Variants in UTP20 observed in about 807,000 individuals in gnomAD.
UTP20 encodes small subunit processome component 20 homolog.
In UTP20, 164 loss-of-function variants were observed where a neutral mutation model predicts 329.5. The observed-to-expected ratio is 0.50, with a 90% CI of 0.44 to 0.57. The LOEUF is 0.57. Ranked by LOEUF, UTP20 falls within the 20% of genes least tolerant of loss-of-function variation. The pLI, the probability that UTP20 is intolerant of heterozygous loss-of-function variation, is 0.00. For synonymous variants in UTP20, 1,151 were observed against 1,159.3 expected (o/e 0.99, Z 0.14); for missense variants, 3,055 against 3,284.2 (o/e 0.93, Z 1.71).
chr12:101,358,965 T>A (rs532822264), intron 43 of UTP20, among the ~76,000 whole-genome samples: 1 of 152,310 alleles, frequency 6.6e-6, no homozygotes, highest in South Asian at 2.1e-4. Flanking sequence ...TTGATCATGA[T>A]GTGTCTAAGT....
chr12:101,330,707 G>A (rs1210976108), intron 27 of UTP20, among the ~76,000 whole-genome samples: 3 of 152,178 alleles, frequency 2.0e-5, no homozygotes, highest in African/African-American at 7.2e-5. Flanking sequence ...AATTGTGAAA[G>A]GTTTGCCTGT....
chr12:101,288,825 G>A (rs1872040197), intron 5 of UTP20, 135 bp from the exon 6 acceptor site: 6 of 747,214 alleles, frequency 8.0e-6, no homozygotes, highest in East Asian at 2.8e-5. Context: ...AAATGAATGA[G>A]ATTTTAAATT....
chr12:101,345,541 T>C lies in UTP20; in HGVS notation c.4606-13T>C, dbSNP rs1459450481. 1.4e-6 allele frequency: 2 copies of C among 1,462,132 alleles called. No individual in the cohort carries two copies. The highest frequency in any genetic ancestry group is 2.4e-5 in the East Asian group (1 of 41,332). 90.6% of individuals were successfully genotyped at this position (1,462,132 alleles called of 1,614,324 possible). A position where few individuals can be genotyped will look rare whatever the true frequency, so the allele number is the denominator to read the frequency against. On this transcript the variant is annotated splice_polypyrimidine_tract_variant and intron_variant, in intron 36 of 61. Transcript: ENST00000261637. Reference sequence around the variant, plus strand: ...TTAAAATAAAATGTTTTTTCTCCACTTCATATTTACAGAGTATTCAGCAGG... The same window carrying C: ...TTAAAATAAAATGTTTTTTCTCCACCTCATATTTACAGAGTATTCAGCAGG...
rs749691166 is a variant in UTP20 at position 101,308,353 on chromosome 12, G to A, written c.2154+10G>A. On this transcript the variant is annotated intron_variant, in intron 18 of 61. Coordinates refer to ENST00000261637, the MANE Select transcript of UTP20 (RefSeq NM_014503.3). Reference sequence around the variant, plus strand: ...TGGGCCGTTACAGGAGGTAAAAATAGTGTTCTTTTATTTTTCCTTTTTAAT... The same window carrying A: ...TGGGCCGTTACAGGAGGTAAAAATAATGTTCTTTTATTTTTCCTTTTTAAT... The A allele has an allele frequency of 1.4e-6, 2 of 1,438,194 alleles. No individual in the cohort carries two copies. Among genetic ancestry groups the A allele is most frequent in the Non-Finnish European group, 9.2e-7 (1 of 1,092,454 alleles). The allele number at this position is 1,438,194 out of a possible 1,614,324, so 89.1% of individuals were successfully genotyped here. A position where few individuals can be genotyped will look rare whatever the true frequency, so the allele number is the denominator to read the frequency against.
chr12:101,289,636 A>T (rs994754709), intron 6 of UTP20, among the ~76,000 whole-genome samples: 1 of 152,150 alleles, frequency 6.6e-6, no homozygotes, highest in African/African-American at 2.4e-5. Flanking sequence ...CAGTGTGTAT[A>T]TATCAAAAAT....
At chr12:101,385,078 G>A (rs1870779944) in intron 60 of UTP20, among the ~76,000 whole-genome samples, 1 of 145,656 alleles carries the variant, frequency 6.9e-6, no homozygotes, top group African/African-American at 2.5e-5. Flanking sequence ...CACAAAGGAG[G>A]CTTTTGACAC....
In UTP20 at chr12:101,286,340, C is replaced by T. The variant is rs1300922546; in HGVS notation, c.346C>T (p.Arg116Ter). The T allele has an allele frequency of 1.2e-6, 2 of 1,608,860 alleles. No homozygotes were observed. Among genetic ancestry groups the T allele is most frequent in the East Asian group, 2.2e-5 (1 of 44,790 alleles). Reference protein sequence around the residue: ...PLLDLVVQLARDLQMDFYPHF... With the variant: ...PLLDLVVQLA Reference sequence around the variant, plus strand: ...ATCCAGTTTGGTTGTACAGTTGGCACGAGATCTGCAGATGGATTTCTACCC... The same window carrying T: ...ATCCAGTTTGGTTGTACAGTTGGCATGAGATCTGCAGATGGATTTCTACCC... Residue 116 changes from arginine (R) to a stop codon, truncating the protein, a stop_gained, in exon 5 of 62, where the codon CGA becomes TGA. Transcript: ENST00000261637. LOFTEE classifies it high-confidence loss of function.
intron 26 of UTP20, among the ~76,000 whole-genome samples, chr12:101,328,792 C>T (rs1868651100): frequency 6.6e-6 from 1 of 151,558 alleles, no homozygotes; most frequent in African/African-American, 2.4e-5. Flanking sequence ...CCGCGTGGAC[C>T]CGGGAGGCAG....
chr12:101,376,448 A>G (rs138969516), intron 56 of UTP20, among the ~76,000 whole-genome samples: 2 of 152,240 alleles, frequency 1.3e-5, no homozygotes, highest in African/African-American at 4.8e-5. Flanking sequence ...AGCCTATTAC[A>G]CCCCTAGACT....
rs1173943049 is a variant in UTP20 at position 101,314,995 on chromosome 12, A to G, written c.2553-2483A>G. ...TAAGTCCCAGCTATTTGGGAGGCTG[A>G]GGCAGGAGAATCACATGAACCCGGA... On this transcript the variant is annotated intron_variant, in intron 21 of 61. Transcript: ENST00000261637. Among the ~76,000 whole-genome samples the G allele has an allele frequency of 2.0e-5, 3 of 152,194 alleles. No individual in the cohort carries two copies. The East Asian group carries it at 5.8e-4, about 30-fold the overall frequency.
chr12:101,371,068 C>T lies in UTP20; in HGVS notation c.6698C>T (p.Ser2233Leu). ...TAFGLLKAIL[S>L]RKLLVPEIDE... ...CCTTTTGTATCTTAGGCAATTTTAT[C>T]AAGAAAGCTGTTGGTCCCAGAAATC... Residue 2233 changes from serine to leucine, a missense_variant, in exon 51 of 62, where the codon TCA (serine) becomes TTA (leucine). Physicochemically the swap from Ser to Leu is moderately radical, Grantham distance 145. This residue lies in a region of UTP20 where 273 missense variants were observed against 363.1 expected (regional missense o/e 0.75). Transcript: ENST00000261637. 6.2e-7 allele frequency: 1 copy of T among 1,613,780 alleles called. No individual in the cohort carries two copies.
intron 58 of UTP20, 58 bp downstream of exon 58, chr12:101,381,269 C>T (rs1302163545): frequency 1.7e-5 from 24 of 1,450,042 alleles, no homozygotes; most frequent in Middle Eastern, 1.7e-4. Context: ...TGGTGGCTCG[C>T]GCCTGTAATC....
At position 101,362,038 on chromosome 12, in the gene UTP20, C is replaced by T. The variant is rs756221544; in HGVS notation, c.5768C>T (p.Ser1923Phe). 3.1e-6 allele frequency: 5 copies of T among 1,613,074 alleles called. No individual in the cohort carries two copies. The highest frequency in any genetic ancestry group is 1.1e-5 in the South Asian group (1 of 91,042). Residue 1923 changes from serine to phenylalanine, a missense_variant, in exon 44 of 62, where the codon TCT becomes TTT. Around this residue, in one of 3 missense-constraint regions of UTP20, gnomAD observed 2,445 missense variants for 2,575.5 expected, o/e 0.95. Transcript: ENST00000261637. The part of the protein sequence containing the change: ...TNKLQVGDLD[S>F]CLDIMIEIFN... ...AAGCTGCAGGTCGGAGATTTGGACT[C>T]TTGTTTAGATATAATGATTGAGGTA...
intron 5 of UTP20, among the ~76,000 whole-genome samples, 194 bp from the exon 6 acceptor site, chr12:101,288,766 T>G (rs1462825983): frequency 6.6e-6 from 1 of 152,226 alleles, no homozygotes; most frequent in Non-Finnish European, 1.5e-5. Context: ...GTCCTAGGAC[T>G]CTTCATGTCT....
At chr12:101,305,817 AT>A in intron 15 of UTP20, 97 bp from the exon 16 acceptor site, 8 of 1,336,494 alleles carry the variant, frequency 6.0e-6, no homozygotes, top group Non-Finnish European at 5.9e-6. Flanking sequence ...TACCTTTTAC[AT>A]TTTCTTCATC....
chr12:101,382,410 AAAAACAAAAC>A (rs910429134), intron 58 of UTP20, among the ~76,000 whole-genome samples: 11 of 152,174 alleles, frequency 7.2e-5, no homozygotes, highest in South Asian at 2.1e-4. Flanking sequence ...AAAATACCCA[AAAAACAAAAC>A]AAAACAAAAC....
Position 101,338,134 on chromosome 12 carries a change from A to G in UTP20, c.3725A>G (p.Lys1242Arg). 4.3e-6 allele frequency: 7 copies of G among 1,614,188 alleles called. No homozygotes were observed. Among genetic ancestry groups the G allele is most frequent in the Non-Finnish European group, 5.9e-6 (7 of 1,180,026 alleles). The change falls in exon 30 of 62, where the codon AAG (lysine) becomes AGG (arginine). Residue 1242 changes from lysine (K) to arginine (R), a missense_variant. This residue lies in a region of UTP20 where 2,445 missense variants were observed against 2,575.5 expected (regional missense o/e 0.95). Coordinates refer to ENST00000261637, the MANE Select transcript of UTP20 (RefSeq NM_014503.3). ...LTNVFAILSA[K>R]NLSDATASIV... ...AATGTTTTTGCAATTCTCTCAGCGA[A>G]GAATCTTTCTGATGCCACAGCCAGT...
At chr12:101,318,560 G>T (rs1873048572) in intron 22 of UTP20, among the ~76,000 whole-genome samples, 1 of 152,114 alleles carries the variant, frequency 6.6e-6, no homozygotes, top group Non-Finnish European at 1.5e-5. Context: ...TCCAGGCGTG[G>T]TGGCTCACAC....
chr12:101,283,818 G>T (rs1871873170), intron 2 of UTP20, among the ~76,000 whole-genome samples: 1 of 152,076 alleles, frequency 6.6e-6, no homozygotes, highest in South Asian at 2.1e-4. Flanking sequence ...CCACTGTTGG[G>T]ATTACAGGCA....
Sources: gnomAD v4.1 joint callset for allele counts (sites outside exome capture counted in the v4.1 genomes callset) on GRCh38, gnomAD v4.1.1 for gene constraint, gnomAD v4.1.1 regional missense constraint, MANE v1.5 for transcripts, NCBI Gene and HGNC (gene_info 2026-07-23, HGNC 2026-07-21) for gene names.